SLC1A2: variants seen among roughly 807,000 people sequenced by gnomAD.
SLC1A2 encodes the protein solute carrier family 1 member 2, also known as excitatory amino acid transporter 2.
In SLC1A2, 15 loss-of-function variants were observed where a neutral mutation model predicts 48.8. The ratio of observed to expected loss-of-function variants is 0.31; its 90% confidence interval spans 0.21 to 0.47. The LOEUF is 0.47. Among genes scored for constraint, SLC1A2 ranks in the 20% least tolerant of loss-of-function variants. The pLI, the probability that SLC1A2 is intolerant of heterozygous loss-of-function variation, is 0.99. For missense variants in SLC1A2, 502 were observed against 730.5 expected (o/e 0.69, Z 3.61); for synonymous variants, 279 against 272.6 (o/e 1.02, Z -0.23).
In SLC1A2 at chr11:35,406,732, G is replaced by T. The variant is rs564155705; in HGVS notation, c.17+12218C>A. On this transcript the variant is annotated intron_variant, in intron 1 of 10. Transcript: ENST00000278379. ...ATGGGGAAACTTGGGAGTGGGTACA[G>T]ATGAGTTTGTAGGGAAAAAAAAATC... Among the ~76,000 whole-genome samples the T allele has an allele frequency of 2.6e-5, 4 of 152,178 alleles. No homozygotes were observed. The East Asian group carries it at 7.7e-4, about 29-fold the overall frequency.
intron 9 of SLC1A2, among the ~76,000 whole-genome samples, chr11:35,268,377 A>G (rs971271595): frequency 1.3e-5 from 2 of 152,204 alleles, no homozygotes; most frequent in Non-Finnish European, 2.9e-5. Flanking sequence ...CTTACTATGT[A>G]TAAGAATATA....
At chr11:35,354,048 A>T (rs1853366889) in intron 1 of SLC1A2, among the ~76,000 whole-genome samples, 1 of 152,238 alleles carries the variant, frequency 6.6e-6, no homozygotes, top group Non-Finnish European at 1.5e-5. Flanking sequence ...GTCCCTAGAA[A>T]CCCTTGGGTC....
intron 9 of SLC1A2, among the ~76,000 whole-genome samples, chr11:35,272,934 G>A (rs1323805342): frequency 1.3e-5 from 2 of 152,050 alleles, no homozygotes; most frequent in Non-Finnish European, 2.9e-5. Flanking sequence ...AAGTACCAAG[G>A]TACTCTCTCT....
chr11:35,305,595 G>A (rs1474140416), intron 5 of SLC1A2, among the ~76,000 whole-genome samples: 2 of 152,132 alleles, frequency 1.3e-5, no homozygotes, highest in East Asian at 1.9e-4. Flanking sequence ...AATCTGTAAA[G>A]CTCCCTTGGT....
intron 1 of SLC1A2, among the ~76,000 whole-genome samples, chr11:35,389,103 T>A (rs1590261704): frequency 1.3e-5 from 2 of 152,116 alleles, no homozygotes; most frequent in South Asian, 4.2e-4. Context: ...TTTAATTTTT[T>A]AAAAACCTAA....
Position 35,268,433 on chromosome 11 carries a change from T to C in SLC1A2, c.1422-2675A>G, listed in dbSNP as rs138337173. Among the ~76,000 whole-genome samples, 764 of 152,106 alleles carry C rather than the reference T, an allele frequency of 5.0e-3. 7 individuals are homozygous for C. The highest frequency in any genetic ancestry group is 0.017 in the African/African-American group (719 of 41,490). On this transcript the variant is annotated intron_variant, in intron 9 of 10. Transcript: ENST00000278379. ...GGCTCATGCCTGTAATCGCAGCACT[T>C]TGGGAGGCTGAGGTGGGCGGATCAC...
intron 1 of SLC1A2, among the ~76,000 whole-genome samples, chr11:35,344,572 C>G (rs1852960744): frequency 6.6e-6 from 1 of 152,152 alleles, no homozygotes; most frequent in South Asian, 2.1e-4. Context: ...CCCGGAAGAC[C>G]TTTACCCACA....
At chr11:35,290,074 G>C (rs1403621687) in intron 7 of SLC1A2, among the ~76,000 whole-genome samples, 1 of 152,204 alleles carries the variant, frequency 6.6e-6, no homozygotes, top group Non-Finnish European at 1.5e-5. Context: ...GCAATATCCA[G>C]AGCTGGTAAG....
chr11:35,314,862 A>T, intron 3 of SLC1A2, 161 bp downstream of exon 3: 1 of 450,954 alleles, frequency 2.2e-6, no homozygotes, highest in Non-Finnish European at 4.0e-6. Context: ...TTATTTCTTT[A>T]GGGTTGATTA....
rs567289274 is a variant in SLC1A2, at chr11:35,333,418, G to A, written c.18-15902C>T. Among the ~76,000 whole-genome samples, 44 of 104,358 alleles carry A rather than the reference G, an allele frequency of 4.2e-4. 1 individual carries two copies. In the East Asian group the frequency reaches 0.011, roughly 25 times the overall value. 68.5% of individuals were successfully genotyped at this position (104,358 alleles called of 152,430 possible). ...GGTGACAGAATGAGACTCTGCCTCAGGAAAAAAAAAAAAAGCAAAAACCAT... is the reference window on the plus strand; with the variant it reads ...GGTGACAGAATGAGACTCTGCCTCAAGAAAAAAAAAAAAAGCAAAAACCAT... On this transcript the variant is annotated intron_variant, in intron 1 of 10. Transcript: ENST00000278379.
chr11:35,419,364 C>G lies in SLC1A2; in HGVS notation c.-398G>C. ...CGGGGCTCGCGGGCGCGGCGAGTGG[C>G]GGGAGCAGAGAGTGGTGGCAGAGGA... is the stretch of plus-strand genomic sequence containing the variant. On this transcript the variant is annotated 5_prime_UTR_variant, in exon 1 of 11. Coordinates refer to ENST00000278379, the MANE Select transcript of SLC1A2 (RefSeq NM_004171.4). This position sits in a 1 kb window ranked among gnomAD's most constrained non-coding sequence, Gnocchi z 5.4. 4.6e-6 allele frequency: 1 copy of G among 217,688 alleles called. No individual in the cohort carries two copies. Among genetic ancestry groups the G allele is most frequent in the African/African-American group, 2.3e-5 (1 of 43,692 alleles). The allele number at this position is 217,688 out of a possible 1,614,324, so 13.5% of individuals were successfully genotyped here. A position where few individuals can be genotyped will look rare whatever the true frequency, so the allele number is the denominator to read the frequency against.
At chr11:35,373,789 CAT>C (rs1352051899) in intron 1 of SLC1A2, among the ~76,000 whole-genome samples, 1 of 152,182 alleles carries the variant, frequency 6.6e-6, no homozygotes, top group Non-Finnish European at 1.5e-5. Flanking sequence ...ATCCCAGAGT[CAT>C]ATACACCAGG....
At chr11:35,380,505 G>T in intron 1 of SLC1A2, 1 of 398,248 alleles carries the variant, frequency 2.5e-6, no homozygotes, top group South Asian at 1.3e-4. Flanking sequence ...GGATTGGTCT[G>T]ATCTCTCGAT....
intron 1 of SLC1A2, among the ~76,000 whole-genome samples, chr11:35,400,695 T>A (rs987833366): frequency 6.6e-6 from 1 of 152,072 alleles, no homozygotes; most frequent in African/African-American, 2.4e-5. Flanking sequence ...GAGGGATAAC[T>A]TTTTTTTAAG....
chr11:35,351,284 A>G (rs1057422797), intron 1 of SLC1A2, among the ~76,000 whole-genome samples: 4 of 152,250 alleles, frequency 2.6e-5, no homozygotes, highest in African/African-American at 4.8e-5. Context: ...TTCTCTCTGC[A>G]TAATGCTCTC....
chr11:35,312,530 T>G, intron 3 of SLC1A2, 82 bp from the exon 4 acceptor site: 1 of 1,423,702 alleles, frequency 7.0e-7, no homozygotes, highest in Non-Finnish European at 9.8e-7. Context: ...TGACGTTAGC[T>G]TCATATTACT....
intron 8 of SLC1A2, chr11:35,285,555 C>G (rs532233222): frequency 6.6e-6 from 1 of 152,306 alleles, no homozygotes; most frequent in South Asian, 2.1e-4. Flanking sequence ...CACTTACTCC[C>G]TATGTTTTCT....
At chr11:35,377,098 C>T (rs912950077) in intron 1 of SLC1A2, among the ~76,000 whole-genome samples, 5 of 152,144 alleles carry the variant, frequency 3.3e-5, no homozygotes, top group South Asian at 2.1e-4. Context: ...GGGGCACTGA[C>T]GTAAACACTC....
intron 1 of SLC1A2, among the ~76,000 whole-genome samples, chr11:35,331,526 G>A (rs565612969): frequency 2.0e-5 from 3 of 152,306 alleles, no homozygotes; most frequent in Middle Eastern, 6.8e-3. Flanking sequence ...GAAGGGTAAT[G>A]TTCTCACCAG....
Sources: allele counts gnomAD v4.1 joint callset (sites outside exome capture counted in the v4.1 genomes callset), GRCh38; gene constraint gnomAD v4.1.1; non-coding constraint Gnocchi (gnomAD v3.1); transcripts MANE v1.5; gene names NCBI Gene and HGNC (gene_info 2026-07-23, HGNC 2026-07-21).